The following POU6F1 variants were observed in gnomAD, a reference collection of about 807,000 sequenced individuals.
The protein encoded by POU6F1 is POU domain, class 6, transcription factor 1.
A neutral mutation model predicts 28.9 loss-of-function variants in POU6F1; 9 were observed. The ratio of observed to expected loss-of-function variants is 0.31; its 90% CI spans 0.19 to 0.54. The LOEUF (loss-of-function observed/expected upper bound fraction) is 0.54, where lower values mean the gene tolerates loss of function less well. POU6F1 is among the 20% of genes least tolerant of loss of function. The pLI, the probability that POU6F1 is intolerant of heterozygous loss-of-function variation, is 0.94. For synonymous variants in POU6F1, 173 were observed against 171.1 expected (o/e 1.01, Z -0.09); for missense variants, 338 against 426.1 (o/e 0.79, Z 1.82).
chr12:51,211,429 C>G (rs1281228083), intron 1 of POU6F1, among the ~76,000 whole-genome samples: 4 of 152,180 alleles, frequency 2.6e-5, no homozygotes, highest in Non-Finnish European at 5.9e-5. Flanking sequence ...TTATCCCTTG[C>G]TTTCCTTGCT....
At chr12:51,215,100 G>A (rs1944213614) in intron 1 of POU6F1, among the ~76,000 whole-genome samples, 1 of 152,120 alleles carries the variant, frequency 6.6e-6, no homozygotes, top group South Asian at 2.1e-4. Flanking sequence ...ATATAACTAG[G>A]TTCATGAATA....
Position 51,196,019 on chromosome 12 carries a change from G to A in POU6F1, c.1130C>T (p.Pro377Leu). The change falls in exon 8 of 11, where the codon CCT (proline) becomes CTT (leucine). Residue 377 changes from proline to leucine, a missense_variant. Physicochemically the swap from Pro to Leu is moderately conservative, Grantham distance 98. Transcript: ENST00000333640. ...ATLASSPLPP[P>L]VAVRKPSTPE... ...TGTGCTTGGCTTCCGGACAGCCACA[G>A]GTGGAGGCAGGGGGCTGCTAGCCAG... The A allele has an allele frequency of 6.5e-7, 1 of 1,546,986 alleles. No individual in the cohort carries two copies. Among genetic ancestry groups the A allele is most frequent in the Non-Finnish European group, 8.8e-7 (1 of 1,141,894 alleles).
At position 51,190,682 on chromosome 12, in the gene POU6F1, G is replaced by C; in HGVS notation, c.1491-90C>G. On this transcript the variant is annotated intron_variant, in intron 10 of 10. Coordinates refer to ENST00000333640, the MANE Select transcript of POU6F1 (RefSeq NM_001330422.2). The surrounding 1 kb of genome is among the most constrained non-coding windows in gnomAD (Gnocchi z 4.5). The stretch of plus-strand genomic sequence containing the variant: ...ACCTAGGTGCAGGCTCCATCCTCAA[G>C]GGGCCGCTCCTCTAGGGGCTGGTGA... 6.5e-7 allele frequency: 1 copy of C among 1,530,516 alleles called. No homozygotes were observed. The highest frequency in any genetic ancestry group is 8.7e-7 in the Non-Finnish European group (1 of 1,143,336). 94.8% of individuals were successfully genotyped at this position (1,530,516 alleles called of 1,614,324 possible). A position where few individuals can be genotyped will look rare whatever the true frequency, so the allele number is the denominator to read the frequency against.
chr12:51,206,388 A>C (rs1189784020), intron 2 of POU6F1, among the ~76,000 whole-genome samples: 1 of 151,224 alleles, frequency 6.6e-6, no homozygotes, highest in African/African-American at 2.4e-5. Flanking sequence ...GCGCCACTGC[A>C]CTCCAGCCTG....
intron 3 of POU6F1, among the ~76,000 whole-genome samples, chr12:51,203,248 G>A (rs1943347362): frequency 6.6e-6 from 1 of 152,168 alleles, no homozygotes; most frequent in African/African-American, 2.4e-5. Flanking sequence ...ATGGATAAAT[G>A]GGTGAAAAGC....
chr12:51,196,716 AC>A, intron 7 of POU6F1, 82 bp downstream of exon 7: 1 of 1,514,584 alleles, frequency 6.6e-7, no homozygotes, highest in East Asian at 2.3e-5. Flanking sequence ...AGTTTCTATG[AC>A]CCACAGCCCA....
rs1232504110 is a variant in POU6F1 at position 51,188,290 on chromosome 12, G to A, written c.*1957C>T. On this transcript the variant is annotated 3_prime_UTR_variant, in exon 11 of 11. Coordinates refer to ENST00000333640, the MANE Select transcript of POU6F1 (RefSeq NM_001330422.2). ...GCTCTGGAACTTAACTATTCTCACT[G>A]AAAACTTGTTTGCAACACCCCTCCC... 2 of 152,196 alleles carry A rather than the reference G, an allele frequency of 1.3e-5. No homozygotes were observed. The highest frequency in any genetic ancestry group is 1.3e-4 in the Admixed American group (2 of 15,282). 9.4% of individuals were successfully genotyped at this position (152,196 alleles called of 1,614,324 possible).
intron 2 of POU6F1, among the ~76,000 whole-genome samples, chr12:51,206,229 C>G (rs1254203038): frequency 6.6e-6 from 1 of 151,000 alleles, no homozygotes; most frequent in East Asian, 2.0e-4. Flanking sequence ...CGAGACCATC[C>G]TGGCTAACAC....
At chr12:51,198,436 A>G (rs1942990713) in intron 5 of POU6F1, 114 bp downstream of exon 5, 1 of 397,500 alleles carries the variant, frequency 2.5e-6, no homozygotes, top group Admixed American at 4.4e-5. Flanking sequence ...TCCAGACTCC[A>G]GGGCGGTTGC....
chr12:51,204,411 A>G lies in POU6F1; in HGVS notation c.49-43T>C, dbSNP rs1592176759. 2.0e-5 allele frequency: 8 copies of G among 399,090 alleles called. No homozygotes were observed. The Admixed American group carries it at 3.1e-4, about 15-fold the overall frequency. The allele number at this position is 399,090 out of a possible 1,614,324, so 24.7% of individuals were successfully genotyped here. On this transcript the variant is annotated intron_variant, in intron 2 of 10. Transcript: ENST00000333640. ...GGGCACTGTTGGGATAGGGGCCAGT[A>G]TAGCCGCAGGGTCCAAAGCTCTGGG...
intron 1 of POU6F1, among the ~76,000 whole-genome samples, chr12:51,209,478 G>A (rs1289283222): frequency 6.6e-6 from 1 of 152,156 alleles, no homozygotes; most frequent in Admixed American, 6.5e-5. Context: ...TCCTTTTCAT[G>A]GCTGAATAGT....
At chr12:51,191,395 TC>T (rs140721358) in intron 10 of POU6F1, among the ~76,000 whole-genome samples, 200 bp downstream of exon 10, 7,247 of 152,326 alleles carry the variant, frequency 0.048, 236 homozygotes, top group Non-Finnish European at 0.069. Flanking sequence ...AGGATAATCT[TC>T]AGAGGACCTC....
Position 51,190,623 on chromosome 12 carries a change from G to A in POU6F1, c.1491-31C>T. 6.2e-7 allele frequency: 1 copy of A among 1,602,994 alleles called. No homozygotes were observed. Among genetic ancestry groups the A allele is most frequent in the Non-Finnish European group, 8.5e-7 (1 of 1,174,256 alleles). ...GGCAACCCATACCCAGGAAGAGGCA[G>A]TGAGAGCATGTTGGTCTCTTTGGCA... On this transcript the variant is annotated intron_variant, in intron 10 of 10. Coordinates refer to ENST00000333640, the MANE Select transcript of POU6F1 (RefSeq NM_001330422.2). This position sits in a 1 kb window ranked among gnomAD's most constrained non-coding sequence, Gnocchi z 4.5.
chr12:51,206,371 C>T (rs1158433526), intron 2 of POU6F1, among the ~76,000 whole-genome samples: 1 of 150,316 alleles, frequency 6.7e-6, no homozygotes, highest in East Asian at 2.0e-4. Flanking sequence ...TGCAGTGAGC[C>T]GAGATTGCGC....
rs543609234 is a variant in POU6F1 at position 51,187,072 on chromosome 12, C to G, written c.*3175G>C. ...AACAGTGAGAACCTCAGTGCCAGAG[C>G]CTGGTCCAAGAGGCAGGAAGGAAAT... On this transcript the variant is annotated 3_prime_UTR_variant, in exon 11 of 11. Coordinates refer to ENST00000333640, the MANE Select transcript of POU6F1 (RefSeq NM_001330422.2). The G allele has an allele frequency of 6.6e-6, 1 of 152,172 alleles. No homozygotes were observed. Among genetic ancestry groups the G allele is most frequent in the Admixed American group, 6.6e-5 (1 of 15,262 alleles). 9.4% of individuals were successfully genotyped at this position (152,172 alleles called of 1,614,324 possible). A position where few individuals can be genotyped will look rare whatever the true frequency, so the allele number is the denominator to read the frequency against.
intron 5 of POU6F1, among the ~76,000 whole-genome samples, 187 bp downstream of exon 5, chr12:51,198,363 C>T (rs1371926859): frequency 1.3e-5 from 2 of 152,190 alleles, no homozygotes; most frequent in East Asian, 3.9e-4. Context: ...GCCAGCGTGG[C>T]GTCACGGCCT....
Position 51,190,172 on chromosome 12 carries a change from T to C in POU6F1, c.*75A>G, listed in dbSNP as rs1484770610. 6 of 1,548,362 alleles carry C rather than the reference T, an allele frequency of 3.9e-6. No homozygotes were observed. The South Asian group carries it at 4.9e-5, about 13-fold the overall frequency. On this transcript the variant is annotated 3_prime_UTR_variant, in exon 11 of 11. Transcript: ENST00000333640. This position sits in a 1 kb window ranked among gnomAD's most constrained non-coding sequence, Gnocchi z 4.5. ...CTGCACGTGGCAAAATGACAGGTGC[T>C]GTCATGGCAGTGGCTGCAGCCGGAT...
Position 51,198,627 on chromosome 12 carries a change from G to C in POU6F1, c.515C>G (p.Thr172Ser), listed in dbSNP as rs1228409611. 2.5e-6 allele frequency: 1 copy of C among 399,174 alleles called. No individual in the cohort carries two copies. The highest frequency in any genetic ancestry group is 2.1e-5 in the African/African-American group (1 of 48,624). 24.7% of individuals were successfully genotyped at this position (399,174 alleles called of 1,614,324 possible). ...GGTCAGTCCTGGGAGGGCAGCCACA[G>C]TTGCTGTAGGAATTGTCCACACGGC... ...GLAVWTIPTATVAALPGLTAA... is the reference protein window; with the variant it reads ...GLAVWTIPTASVAALPGLTAA... The change falls in exon 5 of 11, where the codon ACT becomes AGT. Residue 172 changes from threonine to serine, a missense_variant. Around this residue, in one of 3 missense-constraint regions of POU6F1, gnomAD observed 206 missense variants for 225.6 expected, o/e 0.91. Transcript: ENST00000333640.
In POU6F1 at chr12:51,189,155, G is replaced by C. The variant is rs1592129517; in HGVS notation, c.*1092C>G. The C allele has an allele frequency of 6.6e-6, 1 of 152,252 alleles. No homozygotes were observed. The highest frequency in any genetic ancestry group is 3.4e-3 in the Middle Eastern group (1 of 294). 9.4% of individuals were successfully genotyped at this position (152,252 alleles called of 1,614,324 possible). On this transcript the variant is annotated 3_prime_UTR_variant, in exon 11 of 11. Transcript: ENST00000333640. ...GCTTAAAGTTACAAAGAAAATTAGA[G>C]TTAAGTCAACTTCCACAAGAGACCT...
Sources: allele counts gnomAD v4.1 joint callset (sites outside exome capture counted in the v4.1 genomes callset), GRCh38; gene constraint gnomAD v4.1.1; regional missense constraint gnomAD v4.1.1; non-coding constraint Gnocchi (gnomAD v3.1); transcripts MANE v1.5; gene names NCBI Gene and HGNC (gene_info 2026-07-23, HGNC 2026-07-21).